Variants in MXD1 observed in about 807,000 individuals in gnomAD.
The protein encoded by MXD1 is MAX dimerization protein 1.
Under a neutral mutation model 25.7 loss-of-function variants are expected in MXD1, and 9 were observed. The observed-to-expected ratio is 0.35, with a 90% CI of 0.21 to 0.61. The LOEUF (loss-of-function observed/expected upper bound fraction) is 0.61. Among genes scored for constraint, MXD1 ranks in the 20% least tolerant of loss-of-function variants. The probability of loss-of-function intolerance (pLI) is 0.75; values close to 1 mark genes in which losing one functional copy is unlikely to be tolerated. For synonymous variants in MXD1, 99 were observed against 113.9 expected (o/e 0.87, Z 0.83); for missense variants, 227 against 292.4 (o/e 0.78, Z 1.63).
rs1677626121 is a variant in MXD1, at chr2:69,942,301, T to A, written c.*4017T>A. 6.6e-6 allele frequency: 1 copy of A among 152,232 alleles called. No individual in the cohort carries two copies. Among genetic ancestry groups the A allele is most frequent in the Admixed American group, 6.5e-5 (1 of 15,288 alleles). 9.4% of individuals were successfully genotyped at this position (152,232 alleles called of 1,614,324 possible). ...CCTCTGATCTCTATAGACTGTAGGA[T>A]GCTTTGCTTTCAAAGATAACTGGGT... On this transcript the variant is annotated 3_prime_UTR_variant, in exon 6 of 6. Transcript: ENST00000264444.
rs548844886 is a variant in MXD1 at position 69,929,890 on chromosome 2, A to C, written c.204-5461A>C. Among the ~76,000 whole-genome samples the C allele has an allele frequency of 3.9e-5, 6 of 152,272 alleles. No homozygotes were observed. In the South Asian group the frequency reaches 1.2e-3, roughly 32 times the overall value. On this transcript the variant is annotated intron_variant, in intron 3 of 5. Coordinates refer to ENST00000264444, the MANE Select transcript of MXD1 (RefSeq NM_002357.4). ...GTCTGCCTATTCCTGTATTAGTACT[A>C]CACTGTTTTTAATTATTGAAGCTTT...
chr2:69,924,378 G>A (rs1314840605), intron 3 of MXD1, among the ~76,000 whole-genome samples: 2 of 152,104 alleles, frequency 1.3e-5, no homozygotes, highest in African/African-American at 4.8e-5. Flanking sequence ...TTTGGAATTT[G>A]GTCTTTTAAG....
intron 2 of MXD1, 112 bp downstream of exon 2, chr2:69,916,332 G>A (rs1028117994): frequency 5.8e-6 from 4 of 692,066 alleles, no homozygotes; most frequent in Admixed American, 2.6e-5. Flanking sequence ...CATTGTGGCC[G>A]TCATGATTCA....
Position 69,939,736 on chromosome 2 carries a change from C to T in MXD1, c.*1452C>T, listed in dbSNP as rs1359505424. 3 of 152,438 alleles carry T rather than the reference C, an allele frequency of 2.0e-5. No individual in the cohort carries two copies. Among genetic ancestry groups the T allele is most frequent in the Non-Finnish European group, 4.4e-5 (3 of 68,038 alleles). The allele number at this position is 152,438 out of a possible 1,614,324, so 9.4% of individuals were successfully genotyped here. ...ATTTGTAAAATCTGTGATGCTGAAGCAGAGTGTGTCACAAAGTGATGAGAA... is the reference window on the plus strand; with the variant it reads ...ATTTGTAAAATCTGTGATGCTGAAGTAGAGTGTGTCACAAAGTGATGAGAA... On this transcript the variant is annotated 3_prime_UTR_variant, in exon 6 of 6. Coordinates refer to ENST00000264444, the MANE Select transcript of MXD1 (RefSeq NM_002357.4).
chr2:69,925,163 G>T (rs1453761853), intron 3 of MXD1, among the ~76,000 whole-genome samples: 1 of 152,098 alleles, frequency 6.6e-6, no homozygotes, highest in African/African-American at 2.4e-5. Flanking sequence ...GGGTTTGTCA[G>T]TCAGCACATG....
chr2:69,925,862 C>T (rs990756486), intron 3 of MXD1, among the ~76,000 whole-genome samples: 1 of 152,140 alleles, frequency 6.6e-6, no homozygotes, highest in East Asian at 1.9e-4. Flanking sequence ...GTCCACCAGG[C>T]AGGTTACAGG....
chr2:69,937,372 G>A lies in MXD1; in HGVS notation c.456G>A (p.Ser152=), dbSNP rs770312268. ...ACAGCATCGGCTCCACCGTCTCCTC[G>A]GAGCGCTCCGACTCCGACAGGGGTG... The part of the protein sequence containing the change: ...RMDSIGSTVS[S]ERSDSDREEI... The change falls in exon 5 of 6, where the codon TCG becomes TCA. Residue 152 remains serine, a synonymous_variant. Coordinates refer to ENST00000264444, the MANE Select transcript of MXD1 (RefSeq NM_002357.4). 9.9e-6 allele frequency: 16 copies of A among 1,610,842 alleles called. No individual in the cohort carries two copies. Among genetic ancestry groups the A allele is most frequent in the South Asian group, 3.3e-5 (3 of 90,762 alleles).
At chr2:69,929,891 C>A (rs565434134) in intron 3 of MXD1, among the ~76,000 whole-genome samples, 1 of 152,286 alleles carries the variant, frequency 6.6e-6, no homozygotes, top group South Asian at 2.1e-4. Flanking sequence ...ATTAGTACTA[C>A]ACTGTTTTTA....
In MXD1 at chr2:69,939,123, A is replaced by G. The variant is rs1677537204; in HGVS notation, c.*839A>G. The G allele has an allele frequency of 2.6e-5, 4 of 152,138 alleles. No homozygotes were observed. 9.4% of individuals were successfully genotyped at this position (152,138 alleles called of 1,614,324 possible). A position where few individuals can be genotyped will look rare whatever the true frequency, so the allele number is the denominator to read the frequency against. ...TAAATGAGATCTCCATTTCCCACTT[A>G]ACACAGTGATTATCCTTTTTTCCCC... On this transcript the variant is annotated 3_prime_UTR_variant, in exon 6 of 6. Coordinates refer to ENST00000264444, the MANE Select transcript of MXD1 (RefSeq NM_002357.4).
At chr2:69,931,334 ACCTTTCCCAGCCTCT>A (rs1677278113) in intron 3 of MXD1, among the ~76,000 whole-genome samples, 2 of 151,396 alleles carry the variant, frequency 1.3e-5, no homozygotes, top group South Asian at 4.2e-4. Context: ...CACCCCCGCT[ACCTTTCCCAGCCTCT>A]GGTAACCCTC....
chr2:69,934,035 G>C (rs1489431136), intron 3 of MXD1, among the ~76,000 whole-genome samples: 1 of 152,182 alleles, frequency 6.6e-6, no homozygotes, highest in Admixed American at 6.5e-5. Flanking sequence ...AAGTCTAGTT[G>C]AATAGATGAC....
intron 3 of MXD1, among the ~76,000 whole-genome samples, chr2:69,926,419 C>T (rs1290733592): frequency 6.6e-6 from 1 of 152,082 alleles, no homozygotes; most frequent in Non-Finnish European, 1.5e-5. Flanking sequence ...TTCCCCAACC[C>T]CTAAATTCTT....
intron 3 of MXD1, among the ~76,000 whole-genome samples, chr2:69,926,660 C>T (rs1219426433): frequency 1.3e-5 from 2 of 152,132 alleles, no homozygotes; most frequent in Non-Finnish European, 1.5e-5. Context: ...ATTGGTTTCC[C>T]ATCTTAGTTA....
intron 5 of MXD1, among the ~76,000 whole-genome samples, chr2:69,937,731 A>C (rs962554044): frequency 6.6e-5 from 10 of 152,000 alleles, no homozygotes; most frequent in Admixed American, 5.9e-4. Flanking sequence ...TCCCCTGCCT[A>C]AGCCTCCCAA....
chr2:69,926,496 A>G (rs191277027), intron 3 of MXD1, among the ~76,000 whole-genome samples: 52 of 152,278 alleles, frequency 3.4e-4, no homozygotes, highest in Middle Eastern at 3.4e-3. Flanking sequence ...TCATGCTTAT[A>G]TATTAGATCT....
chr2:69,927,920 G>A (rs912794071), intron 3 of MXD1, among the ~76,000 whole-genome samples: 2 of 152,064 alleles, frequency 1.3e-5, no homozygotes, highest in East Asian at 3.8e-4. Flanking sequence ...TGTTTATAAA[G>A]GGATCATTTT....
Position 69,933,097 on chromosome 2 carries a change from G to A in MXD1, c.204-2254G>A, listed in dbSNP as rs146102779. Reference sequence around the variant, plus strand: ...GCCTGTAATCCCAGATACTCAGGAGGCTGAAGAAGGAGAATCTGTTGAGCC... The same window carrying A: ...GCCTGTAATCCCAGATACTCAGGAGACTGAAGAAGGAGAATCTGTTGAGCC... On this transcript the variant is annotated intron_variant, in intron 3 of 5. Transcript: ENST00000264444. 6.0e-3 allele frequency among the ~76,000 whole-genome samples: 910 copies of A among 151,082 alleles called. 6 individuals are homozygous for A. The highest frequency in any genetic ancestry group is 0.021 in the African/African-American group (861 of 41,108).
intron 3 of MXD1, among the ~76,000 whole-genome samples, chr2:69,932,282 C>T (rs1314802178): frequency 6.6e-6 from 1 of 152,080 alleles, no homozygotes; most frequent in Non-Finnish European, 1.5e-5. Flanking sequence ...AGGAGCTGTA[C>T]ATAACAGAGG....
intron 2 of MXD1, among the ~76,000 whole-genome samples, chr2:69,916,855 G>A (rs1369885130): frequency 6.6e-6 from 1 of 152,092 alleles, no homozygotes; most frequent in East Asian, 1.9e-4. Flanking sequence ...ATCTTATACC[G>A]TAGTTCTTAA....
Sources: gnomAD v4.1 joint callset for allele counts (sites outside exome capture counted in the v4.1 genomes callset) on GRCh38, gnomAD v4.1.1 for gene constraint, MANE v1.5 for transcripts, NCBI Gene and HGNC (gene_info 2026-07-23, HGNC 2026-07-21) for gene names.